The following IQCM variants were observed in gnomAD, a reference collection of about 807,000 sequenced individuals.
IQCM encodes the protein IQ motif containing M.
In IQCM, 45 loss-of-function variants were observed where a neutral mutation model predicts 57.6. The ratio of observed to expected loss-of-function variants is 0.78; its 90% CI spans 0.62 to 1.00. IQCM has a LOEUF of 1.00. Among genes scored for constraint, IQCM ranks in the 50% least tolerant of loss-of-function variants. The pLI is 0.00. For missense variants in IQCM, 468 were observed against 511.6 expected, an observed-to-expected ratio of 0.91 and a Z score of 0.82; for synonymous variants, 148 against 158.9, an observed-to-expected ratio of 0.93 and a Z score of 0.51.
chr4:149,809,570 T>C (rs1774373061), intron 2 of IQCM, among the ~76,000 whole-genome samples: 1 of 152,204 alleles, frequency 6.6e-6, no homozygotes, highest in Admixed American at 6.5e-5. Flanking sequence ...TAAGAAATCT[T>C]ACCCAGTATC....
In IQCM at chr4:149,477,505, T is replaced by C. The variant is rs79409264; in HGVS notation, c.1229-43948A>G. Among the ~76,000 whole-genome samples the C allele has an allele frequency of 1.9e-3, 286 of 152,230 alleles. 1 individual carries two copies. Among genetic ancestry groups the C allele is most frequent in the Middle Eastern group, 0.01 (3 of 294 alleles). ...TGCACTGTGCTGGGAACTTGGTATA[T>C]ATAAGGAAGTAAAAATCCACATGGT... On this transcript the variant is annotated intron_variant, in intron 12 of 13. Transcript: ENST00000636793.
At chr4:149,695,289 A>T (rs1318276988) in intron 5 of IQCM, among the ~76,000 whole-genome samples, 1 of 152,236 alleles carries the variant, frequency 6.6e-6, no homozygotes, top group African/African-American at 2.4e-5. Context: ...AGAAATGCAA[A>T]AAAGAACCCA....
At chr4:149,477,267 A>AT (rs949000547) in intron 12 of IQCM, among the ~76,000 whole-genome samples, 17 of 151,972 alleles carry the variant, frequency 1.1e-4, no homozygotes, top group African/African-American at 4.1e-4. Context: ...TATTGAAGCT[A>AT]TTTTTTTCTG....
intron 6 of IQCM, among the ~76,000 whole-genome samples, chr4:149,684,578 A>C (rs549150602): frequency 1.3e-5 from 2 of 151,414 alleles, no homozygotes; most frequent in East Asian, 3.9e-4. Flanking sequence ...ATTGTTAACA[A>C]TCTCATATCT....
At chr4:149,711,211 C>T (rs1764536989) in intron 5 of IQCM, 1 of 152,090 alleles carries the variant, frequency 6.6e-6, no homozygotes, top group South Asian at 2.1e-4. Flanking sequence ...GCAACTTGCT[C>T]AAGGTTATAC....
At chr4:149,726,071 A>AAAAGAAAGTAAG (rs1765868903) in intron 5 of IQCM, among the ~76,000 whole-genome samples, 1 of 94,748 alleles carries the variant, frequency 1.1e-5, no homozygotes, top group African/African-American at 4.4e-5. Flanking sequence ...TCTTCCCTCT[A>AAAAGAAAGTAAG]AAAGAAAGAA....
At chr4:149,452,615 A>G (rs1166560140) in intron 12 of IQCM, among the ~76,000 whole-genome samples, 1 of 151,626 alleles carries the variant, frequency 6.6e-6, no homozygotes, top group Admixed American at 6.6e-5. Context: ...GACATATAAA[A>G]AGCTGTACAA....
intron 7 of IQCM, among the ~76,000 whole-genome samples, chr4:149,647,270 A>G (rs1758727500): frequency 6.6e-6 from 1 of 151,954 alleles, no homozygotes. Context: ...TATATTTACT[A>G]TTTTTGGCTT....
At chr4:149,512,538 T>C (rs1350232619) in intron 12 of IQCM, among the ~76,000 whole-genome samples, 9 of 152,188 alleles carry the variant, frequency 5.9e-5, no homozygotes, top group African/African-American at 9.6e-5. Context: ...TTTCTTTCTC[T>C]TTTAAATTGT....
intron 7 of IQCM, among the ~76,000 whole-genome samples, chr4:149,679,817 TAG>T (rs762809139): frequency 6.5e-4 from 98 of 151,558 alleles, no homozygotes; most frequent in Middle Eastern, 6.8e-3. Flanking sequence ...AATTATTATG[TAG>T]AGTTATAATA....
chr4:149,417,201 T>G (rs1378020339), intron 13 of IQCM, among the ~76,000 whole-genome samples: 2 of 152,174 alleles, frequency 1.3e-5, no homozygotes, highest in African/African-American at 2.4e-5. Flanking sequence ...ATAGTTTTTT[T>G]CTTACTCAGT....
chr4:149,659,922 C>T lies in IQCM; in HGVS notation c.565+22196G>A, dbSNP rs1022293383. On this transcript the variant is annotated intron_variant, in intron 7 of 13. Coordinates refer to ENST00000636793, the MANE Select transcript of IQCM (RefSeq NM_001363507.2). ...TTACCATTCAGGACATAGGCATGGG[C>T]AGGGACTTCATGTCTAAAACACCAA... 4.6e-5 allele frequency among the ~76,000 whole-genome samples: 7 copies of T among 151,942 alleles called. No homozygotes were observed. In the South Asian group the frequency reaches 1.5e-3, roughly 32 times the overall value.
intron 12 of IQCM, among the ~76,000 whole-genome samples, chr4:149,495,487 ATGACTC>A (rs1742560668): frequency 6.6e-6 from 1 of 152,154 alleles, no homozygotes; most frequent in South Asian, 2.1e-4. Flanking sequence ...TCAAAAATCC[ATGACTC>A]TGACCATTGA....
chr4:149,677,768 G>A (rs966425730), intron 7 of IQCM, among the ~76,000 whole-genome samples: 3 of 151,788 alleles, frequency 2.0e-5, no homozygotes, highest in African/African-American at 7.2e-5. Flanking sequence ...AAGAAACTTG[G>A]TGATCTCCCA....
At chr4:149,623,135 C>A (rs1209588961) in intron 7 of IQCM, among the ~76,000 whole-genome samples, 1 of 151,722 alleles carries the variant, frequency 6.6e-6, no homozygotes, top group East Asian at 1.9e-4. Flanking sequence ...CTCTGTACTC[C>A]CATGAATGTG....
At chr4:149,593,729 C>G (rs767089065) in intron 8 of IQCM, among the ~76,000 whole-genome samples, 7 of 151,980 alleles carry the variant, frequency 4.6e-5, no homozygotes, top group Non-Finnish European at 8.8e-5. Flanking sequence ...TGGTTTTTGT[C>G]TTTGGTTCTG....
At chr4:149,689,636 C>A (rs979570901) in intron 5 of IQCM, among the ~76,000 whole-genome samples, 8 of 151,974 alleles carry the variant, frequency 5.3e-5, no homozygotes, top group African/African-American at 1.7e-4. Flanking sequence ...GCAGAGTAAA[C>A]AGACAACCCA....
intron 12 of IQCM, among the ~76,000 whole-genome samples, chr4:149,458,880 C>T (rs930713582): frequency 6.6e-6 from 1 of 152,008 alleles, no homozygotes; most frequent in African/African-American, 2.4e-5. Flanking sequence ...TATGCTTTAC[C>T]ACAGATTAAA....
intron 13 of IQCM, among the ~76,000 whole-genome samples, chr4:149,423,726 G>C (rs1734275044): frequency 6.6e-6 from 1 of 151,912 alleles, no homozygotes; most frequent in Non-Finnish European, 1.5e-5. Flanking sequence ...CAATACATGA[G>C]AGGGAAGATG....
Sources: allele counts gnomAD v4.1 joint callset (sites outside exome capture counted in the v4.1 genomes callset), GRCh38; gene constraint gnomAD v4.1.1; transcripts MANE v1.5; gene names NCBI Gene and HGNC (gene_info 2026-07-23, HGNC 2026-07-21).